SPSB1: variants seen among roughly 807,000 people sequenced by gnomAD.
The protein encoded by SPSB1 is SPRY domain-containing SOCS box protein 1.
In SPSB1, 8 loss-of-function variants were observed where a neutral mutation model predicts 21.2. That is an observed-to-expected ratio of 0.38 (90% CI 0.22 to 0.68). SPSB1 has a LOEUF of 0.68. Ranked by LOEUF, SPSB1 falls within the 30% of genes least tolerant of loss-of-function variation. The pLI is 0.53. For synonymous variants in SPSB1, 169 were observed against 161.7 expected, an observed-to-expected ratio of 1.05 and a Z score of -0.34; for missense variants, 242 against 377.8, an observed-to-expected ratio of 0.64 and a Z score of 2.98.
intron 2 of SPSB1, among the ~76,000 whole-genome samples, chr1:9,365,663 G>A (rs10864412): frequency 0.4 from 61,195 of 151,954 alleles, 12,738 homozygotes; most frequent in African/African-American, 0.51. Context: ...TGCCCCACCC[G>A]TAGTGTTTGG....
Position 9,305,505 on chromosome 1 carries a change from C to G in SPSB1, c.-150+12434C>G, listed in dbSNP as rs1639395989. ...CCACAGTAGGTTCTTGGACACCTGT[C>G]GGATGAAGGAGTAGGTAAGACCGGT... On this transcript the variant is annotated intron_variant, in intron 1 of 2. Transcript: ENST00000328089. The surrounding 1 kb of genome is among the most constrained non-coding windows in gnomAD (Gnocchi z 4.8). Among the ~76,000 whole-genome samples, 1 of 151,196 alleles carries G rather than the reference C, an allele frequency of 6.6e-6. No homozygotes were observed.
Position 9,348,695 on chromosome 1 carries a change from C to T in SPSB1, c.-149-7048C>T, listed in dbSNP as rs1640203178. On this transcript the variant is annotated intron_variant, in intron 1 of 2. Coordinates refer to ENST00000328089, the MANE Select transcript of SPSB1 (RefSeq NM_025106.4). The surrounding 1 kb of genome is among the most constrained non-coding windows in gnomAD (Gnocchi z 4.8). ...GGGCCCCCAGCAAATCCAAAGATGG[C>T]CTTTTTCCTGGACCCAGACAACCTT... 6.6e-6 allele frequency among the ~76,000 whole-genome samples: 1 copy of T among 152,124 alleles called. No individual in the cohort carries two copies. The highest frequency in any genetic ancestry group is 6.5e-5 in the Admixed American group (1 of 15,274).
chr1:9,349,264 C>T (rs1640212607), intron 1 of SPSB1, among the ~76,000 whole-genome samples: 1 of 152,236 alleles, frequency 6.6e-6, no homozygotes, highest in East Asian at 1.9e-4. Flanking sequence ...TTTCGCTCCT[C>T]TCTGCTTCCC....
At chr1:9,355,277 G>T (rs1417238480) in intron 1 of SPSB1, among the ~76,000 whole-genome samples, 1 of 152,204 alleles carries the variant, frequency 6.6e-6, no homozygotes, top group East Asian at 1.9e-4. Flanking sequence ...GCTGGGATTG[G>T]CATCCTCAGC....
At chr1:9,352,326 C>T (rs1259362871) in intron 1 of SPSB1, among the ~76,000 whole-genome samples, 3 of 152,174 alleles carry the variant, frequency 2.0e-5, no homozygotes, top group Non-Finnish European at 4.4e-5. Flanking sequence ...CCCCCGCTCC[C>T]CACCATCCGG....
intron 1 of SPSB1, among the ~76,000 whole-genome samples, chr1:9,299,779 C>A (rs558935481): frequency 3.3e-4 from 50 of 152,016 alleles, no homozygotes; most frequent in African/African-American, 1.2e-3. Context: ...GCGCCCGGGC[C>A]GACATCATCT....
chr1:9,355,544 G>T (rs950121281), intron 1 of SPSB1, among the ~76,000 whole-genome samples, 199 bp from the exon 2 acceptor site: 5 of 152,268 alleles, frequency 3.3e-5, no homozygotes, highest in Non-Finnish European at 5.9e-5. Context: ...TGGACAGACA[G>T]ACCCTTTCCT....
intron 1 of SPSB1, among the ~76,000 whole-genome samples, chr1:9,312,281 C>T (rs1639533185): frequency 6.6e-6 from 1 of 152,068 alleles, no homozygotes; most frequent in Non-Finnish European, 1.5e-5. Context: ...CCCAACTTGG[C>T]CTCCCAAAGC....
intron 1 of SPSB1, among the ~76,000 whole-genome samples, chr1:9,319,332 G>A (rs1281483707): frequency 6.6e-6 from 1 of 152,206 alleles, no homozygotes; most frequent in Non-Finnish European, 1.5e-5. Flanking sequence ...CCCTGGCCGT[G>A]GCATGTTGCT....
rs1639388799 is a variant in SPSB1 at position 9,305,020 on chromosome 1, T to C, written c.-150+11949T>C. Among the ~76,000 whole-genome samples, 1 of 152,094 alleles carries C rather than the reference T, an allele frequency of 6.6e-6. No individual in the cohort carries two copies. Among genetic ancestry groups the C allele is most frequent in the Admixed American group, 6.5e-5 (1 of 15,284 alleles). ...AGAAAGCTCTGGCCATTCCCTGGGC[T>C]TCACCTGCCTCCTGCGCCCAGACCC... On this transcript the variant is annotated intron_variant, in intron 1 of 2. Transcript: ENST00000328089. The surrounding 1 kb of genome is among the most constrained non-coding windows in gnomAD (Gnocchi z 4.8).
At chr1:9,304,853 C>T (rs943461150) in intron 1 of SPSB1, among the ~76,000 whole-genome samples, 6 of 152,108 alleles carry the variant, frequency 3.9e-5, no homozygotes, top group Admixed American at 1.3e-4. Context: ...TTAAATTTCT[C>T]ACAAAGACGG....
intron 1 of SPSB1, among the ~76,000 whole-genome samples, chr1:9,311,500 G>A (rs1213645261): frequency 6.6e-6 from 1 of 152,144 alleles, no homozygotes; most frequent in African/African-American, 2.4e-5. Context: ...CACCATGCAT[G>A]GGACATCTTC....
At chr1:9,352,511 G>GCCCT (rs1229460142) in intron 1 of SPSB1, among the ~76,000 whole-genome samples, 1 of 152,192 alleles carries the variant, frequency 6.6e-6, no homozygotes, top group Non-Finnish European at 1.5e-5. Context: ...TGCGACAACA[G>GCCCT]CAGAGACTGT....
intron 2 of SPSB1, among the ~76,000 whole-genome samples, chr1:9,357,112 A>T (rs796749551): frequency 1.2e-5 from 1 of 85,558 alleles, no homozygotes; most frequent in Non-Finnish European, 2.5e-5. Context: ...TGGATGGATG[A>T]GTGGATGGAT....
Position 9,355,838 on chromosome 1 carries a change from G to C in SPSB1, c.-54G>C, listed in dbSNP as rs1222663119. 1 of 1,515,804 alleles carries C rather than the reference G, an allele frequency of 6.6e-7. No homozygotes were observed. Among genetic ancestry groups the C allele is most frequent in the Non-Finnish European group, 8.8e-7 (1 of 1,132,156 alleles). The allele number at this position is 1,515,804 out of a possible 1,614,324, so 93.9% of individuals were successfully genotyped here. On this transcript the variant is annotated 5_prime_UTR_variant, in exon 2 of 3. Coordinates refer to ENST00000328089, the MANE Select transcript of SPSB1 (RefSeq NM_025106.4). Reference sequence around the variant, plus strand: ...ATCAGAATACTGGAGACGAGACCACGAGATTGATGAGTTTGCCTTGGGAGT... The same window carrying C: ...ATCAGAATACTGGAGACGAGACCACCAGATTGATGAGTTTGCCTTGGGAGT...
rs995182576 is a variant in SPSB1 at position 9,348,895 on chromosome 1, C to T, written c.-149-6848C>T. 7.2e-5 allele frequency among the ~76,000 whole-genome samples: 11 copies of T among 151,854 alleles called. No homozygotes were observed. Among genetic ancestry groups the T allele is most frequent in the African/African-American group, 1.5e-4 (6 of 41,324 alleles). ...GAAACACTGGGTTGAGGGCTTTTGC[C>T]GTCAAAGGATGTAAGGGACATCCCC... On this transcript the variant is annotated intron_variant, in intron 1 of 2. Transcript: ENST00000328089. The surrounding 1 kb of genome is among the most constrained non-coding windows in gnomAD (Gnocchi z 4.8).
intron 1 of SPSB1, among the ~76,000 whole-genome samples, chr1:9,295,201 TGTGTGTGAGAGTGTGA>T (rs1397412524): frequency 1.5e-5 from 2 of 133,894 alleles, no homozygotes; most frequent in South Asian, 4.8e-4. Flanking sequence ...AGTGTGTGTG[TGTGTGTGAGAGTGTGA>T]GTGTGTGTGT....
In SPSB1 at chr1:9,346,140, G is replaced by A. The variant is rs1007330887; in HGVS notation, c.-149-9603G>A. On this transcript the variant is annotated intron_variant, in intron 1 of 2. Transcript: ENST00000328089. The surrounding 1 kb of genome is among the most constrained non-coding windows in gnomAD (Gnocchi z 4.4). ...ATTCTGATAAAATAGCAGATTGCTC[G>A]GGGCATGTTTCTCTTGCAAAATCCT... Among the ~76,000 whole-genome samples, 3 of 152,232 alleles carry A rather than the reference G, an allele frequency of 2.0e-5. No homozygotes were observed. The highest frequency in any genetic ancestry group is 2.9e-5 in the Non-Finnish European group (2 of 68,038).
At chr1:9,365,745 T>C (rs1191996972) in intron 2 of SPSB1, among the ~76,000 whole-genome samples, 1 of 152,224 alleles carries the variant, frequency 6.6e-6, no homozygotes, top group Non-Finnish European at 1.5e-5. Context: ...CACTTTTTAC[T>C]GGTAGGATGG....
Sources: gnomAD v4.1 joint callset for allele counts (sites outside exome capture counted in the v4.1 genomes callset) on GRCh38, gnomAD v4.1.1 for gene constraint, Gnocchi (gnomAD v3.1) non-coding constraint, MANE v1.5 for transcripts, NCBI Gene and HGNC (gene_info 2026-07-23, HGNC 2026-07-21) for gene names.